Variants in PTDSS2 observed in about 807,000 individuals in gnomAD.
PTDSS2 encodes PSS-2.
Under a neutral mutation model 64.7 loss-of-function variants are expected in PTDSS2, and 41 were observed. The observed-to-expected ratio is 0.63, with a 90% CI of 0.49 to 0.82. The LOEUF is 0.82. Among genes scored for constraint, PTDSS2 ranks in the 40% least tolerant of loss-of-function variants. The probability of loss-of-function intolerance (pLI) is 0.00; values close to 1 mark genes in which losing one functional copy is unlikely to be tolerated. For missense variants in PTDSS2, 485 were observed against 650.0 expected, an observed-to-expected ratio of 0.75 and a Z score of 2.76; for synonymous variants, 297 against 277.8, an observed-to-expected ratio of 1.07 and a Z score of -0.69.
At position 490,809 on chromosome 11, in the gene PTDSS2, C is replaced by CGT. The variant is rs1565002522; in HGVS notation, c.*228_*229insTG. 6.9e-4 allele frequency: 390 copies of CGT among 564,166 alleles called. 2 individuals are homozygous for CGT. The African/African-American group carries it at 7.0e-3, about 10-fold the overall frequency. The allele number at this position is 564,166 out of a possible 1,614,324, so 34.9% of individuals were successfully genotyped here. On this transcript the variant is annotated 3_prime_UTR_variant, in exon 12 of 12. Coordinates refer to ENST00000308020, the MANE Select transcript of PTDSS2 (RefSeq NM_030783.3). ...GTATGCGTGTGTGTACGCGTGTGTA[C>CGT]GCGCGTGTGTACACATGCGTGGCCG...
intron 3 of PTDSS2, among the ~76,000 whole-genome samples, chr11:477,643 G>A (rs1847871477): frequency 1.3e-5 from 2 of 152,246 alleles, no homozygotes; most frequent in South Asian, 4.1e-4. Context: ...AGGGAAGTTA[G>A]TACTGGTCGT....
At position 472,380 on chromosome 11, in the gene PTDSS2, C is replaced by T. The variant is rs111254252; in HGVS notation, c.285-1515C>T. On this transcript the variant is annotated intron_variant, in intron 2 of 11. Transcript: ENST00000308020. ...TCGGGAGGGGTACCGGTGACAGGGA[C>T]GCGGGCCCCACCTTGCTGAACCCAG... Among the ~76,000 whole-genome samples, 738 of 152,312 alleles carry T rather than the reference C, an allele frequency of 4.8e-3. 9 individuals carry two copies. The highest frequency in any genetic ancestry group is 0.017 in the African/African-American group (704 of 41,572).
chr11:471,295 A>T (rs988230162), intron 2 of PTDSS2, among the ~76,000 whole-genome samples: 2 of 152,040 alleles, frequency 1.3e-5, no homozygotes, highest in Non-Finnish European at 2.9e-5. Flanking sequence ...CAGGAGTTTC[A>T]TGTCGGCCAG....
intron 1 of PTDSS2, among the ~76,000 whole-genome samples, chr11:454,546 C>T (rs187079628): frequency 3.9e-5 from 6 of 152,306 alleles, no homozygotes; most frequent in Middle Eastern, 3.4e-3. Context: ...AAGTTTTACG[C>T]CTGTAATCCC....
intron 4 of PTDSS2, among the ~76,000 whole-genome samples, chr11:481,116 C>T (rs1431390214): frequency 1.3e-5 from 2 of 151,848 alleles, no homozygotes; most frequent in African/African-American, 4.8e-5. Context: ...CCTGCCTTGG[C>T]CTCCCAAAGT....
chr11:479,223 G>A lies in PTDSS2; in HGVS notation c.435+71G>A, dbSNP rs781017135. Reference sequence around the variant, plus strand: ...TGTGGCCCCAGGCATGGTGACAAAGGAGGCCTTGCCCACACAGCCCTCGAG... The same window carrying A: ...TGTGGCCCCAGGCATGGTGACAAAGAAGGCCTTGCCCACACAGCCCTCGAG... On this transcript the variant is annotated intron_variant, in intron 4 of 11. Transcript: ENST00000308020. This position sits in a 1 kb window ranked among gnomAD's most constrained non-coding sequence, Gnocchi z 4.2. The A allele has an allele frequency of 3.0e-6, 4 of 1,315,772 alleles. No homozygotes were observed. The highest frequency in any genetic ancestry group is 4.4e-6 in the Non-Finnish European group (4 of 907,924). The allele number at this position is 1,315,772 out of a possible 1,614,324, so 81.5% of individuals were successfully genotyped here.
chr11:452,123 G>C (rs1037955629), intron 1 of PTDSS2, among the ~76,000 whole-genome samples: 19 of 151,904 alleles, frequency 1.3e-4, no homozygotes, highest in African/African-American at 4.3e-4. Flanking sequence ...AAGACCAGAC[G>C]GGCTCCTCTG....
rs1460237616 is a variant in PTDSS2, at chr11:470,596, A to G, written c.285-3299A>G. On this transcript the variant is annotated intron_variant, in intron 2 of 11. Coordinates refer to ENST00000308020, the MANE Select transcript of PTDSS2 (RefSeq NM_030783.3). The surrounding 1 kb of genome is among the most constrained non-coding windows in gnomAD (Gnocchi z 5.3). ...ATTTTTTATTTTTTATGTTTATTTT[A>G]TTTTATTTTTTGAGACAGAGTATCA... Among the ~76,000 whole-genome samples, 1 of 151,900 alleles carries G rather than the reference A, an allele frequency of 6.6e-6. No individual in the cohort carries two copies. Among genetic ancestry groups the G allele is most frequent in the Non-Finnish European group, 1.5e-5 (1 of 68,008 alleles).
In PTDSS2 at chr11:488,614, A is replaced by G; in HGVS notation, c.821A>G (p.Lys274Arg). ...GAGTGGCTGTCCCTGAAGACGTACA[A>G]GTGGCAGGGCCTCTGGAACATTCCG... The part of the protein sequence containing the change: ...TLEWLSLKTY[K>R]WQGLWNIPTY... The change falls in exon 8 of 12, where the codon AAG (lysine) becomes AGG (arginine). Residue 274 changes from lysine to arginine, a missense_variant. Lys to Arg is a conservative substitution (Grantham distance 26). This residue lies in a region of PTDSS2 where 15 missense variants were observed against 44.7 expected (regional missense o/e 0.34). Transcript: ENST00000308020. The G allele has an allele frequency of 1.2e-6, 2 of 1,612,852 alleles. No homozygotes were observed. The highest frequency in any genetic ancestry group is 1.7e-6 in the Non-Finnish European group (2 of 1,179,670).
chr11:448,378 C>A (rs975676750), upstream of PTDSS2: 1 of 152,246 alleles, frequency 6.6e-6, no homozygotes, highest in African/African-American at 2.4e-5. Flanking sequence ...AACACCCATA[C>A]GCAGGAAATG....
intron 2 of PTDSS2, among the ~76,000 whole-genome samples, chr11:469,187 A>G (rs1483381494): frequency 2.1e-4 from 17 of 80,718 alleles, no homozygotes; most frequent in South Asian, 5.2e-4. Flanking sequence ...CTGGGTAATC[A>G]GAGGGAGGAG....
rs1188382964 is a variant in PTDSS2, at chr11:450,428, G to A, written c.-28G>A. On this transcript the variant is annotated 5_prime_UTR_variant, in exon 1 of 12. Coordinates refer to ENST00000308020, the MANE Select transcript of PTDSS2 (RefSeq NM_030783.3). ...CCGGTGTGCGTGGGGTCGAGGCGCCGGGCGGAGTGGCTCCGGGCCGAAACG... is the reference window on the plus strand; with the variant it reads ...CCGGTGTGCGTGGGGTCGAGGCGCCAGGCGGAGTGGCTCCGGGCCGAAACG... 1.6e-6 allele frequency: 2 copies of A among 1,222,578 alleles called. No individual in the cohort carries two copies. The highest frequency in any genetic ancestry group is 1.0e-6 in the Non-Finnish European group (1 of 981,380). The allele number at this position is 1,222,578 out of a possible 1,614,324, so 75.7% of individuals were successfully genotyped here. A position where few individuals can be genotyped will look rare whatever the true frequency, so the allele number is the denominator to read the frequency against.
Position 461,797 on chromosome 11 carries a change from C to T in PTDSS2, c.284+1509C>T, listed in dbSNP as rs556151388. Among the ~76,000 whole-genome samples, 70 of 152,292 alleles carry T rather than the reference C, an allele frequency of 4.6e-4. No homozygotes were observed. The highest frequency in any genetic ancestry group is 1.7e-3 in the South Asian group (8 of 4,826). ...GCCCGGTGTGCACTGTGTAACTAGGCTCCAGAAATAGATGAGGGAGCATGT... is the reference window on the plus strand; with the variant it reads ...GCCCGGTGTGCACTGTGTAACTAGGTTCCAGAAATAGATGAGGGAGCATGT... On this transcript the variant is annotated intron_variant, in intron 2 of 11. Coordinates refer to ENST00000308020, the MANE Select transcript of PTDSS2 (RefSeq NM_030783.3). The surrounding 1 kb of genome is among the most constrained non-coding windows in gnomAD (Gnocchi z 4.2).
rs920491652 is a variant in PTDSS2, at chr11:489,271, T to A, written c.855-129T>A. 9 of 724,010 alleles carry A rather than the reference T, an allele frequency of 1.2e-5. No homozygotes were observed. The East Asian group carries it at 2.5e-4, about 20-fold the overall frequency. 44.8% of individuals were successfully genotyped at this position (724,010 alleles called of 1,614,324 possible). Reference sequence around the variant, plus strand: ...CCCGATGGCACAGGGCGGGGCGGGGTGACCAAGAGCAGAGCTCGTCCGATG... The same window carrying A: ...CCCGATGGCACAGGGCGGGGCGGGGAGACCAAGAGCAGAGCTCGTCCGATG... On this transcript the variant is annotated intron_variant, in intron 8 of 11. Transcript: ENST00000308020.
At chr11:469,892 C>T (rs1847339876) in intron 2 of PTDSS2, among the ~76,000 whole-genome samples, 1 of 152,184 alleles carries the variant, frequency 6.6e-6, no homozygotes, top group African/African-American at 2.4e-5. Context: ...GGGATTGCGT[C>T]CCAGTGAAAG....
At chr11:465,403 G>A (rs1847097215) in intron 2 of PTDSS2, among the ~76,000 whole-genome samples, 1 of 152,174 alleles carries the variant, frequency 6.6e-6, no homozygotes, top group Non-Finnish European at 1.5e-5. Context: ...TGTTGCCCAG[G>A]CTGGTCTCAA....
intron 6 of PTDSS2, 83 bp from the exon 7 acceptor site, chr11:488,116 G>A: frequency 9.7e-7 from 1 of 1,030,446 alleles, no homozygotes; most frequent in South Asian, 1.3e-5. Flanking sequence ...CTGGCTGCCA[G>A]CCGGGGTGGG....
chr11:488,498 C>A, intron 7 of PTDSS2, 31 bp from the exon 8 acceptor site: 1 of 1,576,266 alleles, frequency 6.3e-7, no homozygotes, highest in Non-Finnish European at 8.7e-7. Flanking sequence ...TACCCCTCAC[C>A]CCTGCAACGA....
At chr11:453,165 T>C (rs1194930699) in intron 1 of PTDSS2, among the ~76,000 whole-genome samples, 1 of 152,174 alleles carries the variant, frequency 6.6e-6, no homozygotes, top group Non-Finnish European at 1.5e-5. Flanking sequence ...TGACTGGCCC[T>C]GGGAGCACGA....
Sources: gnomAD v4.1 joint callset for allele counts (sites outside exome capture counted in the v4.1 genomes callset) on GRCh38, gnomAD v4.1.1 for gene constraint, gnomAD v4.1.1 regional missense constraint, Gnocchi (gnomAD v3.1) non-coding constraint, MANE v1.5 for transcripts, NCBI Gene and HGNC (gene_info 2026-07-23, HGNC 2026-07-21) for gene names.